GPHN: variants seen among roughly 807,000 people sequenced by gnomAD.
The protein encoded by GPHN is gephyrin.
GPHN carries 17 observed loss-of-function variants against 95.5 expected under a neutral mutation model. The ratio of observed to expected loss-of-function variants is 0.18; its 90% CI spans 0.12 to 0.27. The LOEUF is 0.27. Ranked by LOEUF, GPHN falls within the 10% of genes least tolerant of loss-of-function variation. The pLI, the probability that GPHN is intolerant of heterozygous loss-of-function variation, is 1.00. For synonymous variants in GPHN, 320 were observed against 322.5 expected (o/e 0.99, Z 0.08); for missense variants, 660 against 978.1 (o/e 0.67, Z 4.34).
At chr14:67,048,467 T>G (rs948981862) in intron 10 of GPHN, among the ~76,000 whole-genome samples, 23 of 152,216 alleles carry the variant, frequency 1.5e-4, no homozygotes, top group African/African-American at 5.1e-4. Context: ...TGTGCCCACT[T>G]TAGAATAGCT....
the GPHN span, among the ~76,000 whole-genome samples, chr14:67,398,400 A>G: frequency 6.6e-6 from 1 of 152,032 alleles, no homozygotes; most frequent in African/African-American, 2.4e-5. Flanking sequence ...ATTTTTCTAG[A>G]AATAGGCTCT....
intron 5 of GPHN, among the ~76,000 whole-genome samples, chr14:66,915,547 T>C (rs758971034): frequency 3.3e-5 from 5 of 152,216 alleles, no homozygotes; most frequent in African/African-American, 1.2e-4. Flanking sequence ...CATTCACTTG[T>C]GAAAAACCTT....
At chr14:67,450,553 T>C in the GPHN span, among the ~76,000 whole-genome samples, 1 of 152,362 alleles carries the variant, frequency 6.6e-6, no homozygotes, top group East Asian at 1.9e-4. Context: ...CAAATGTGAC[T>C]CTTCTTACGT....
At chr14:67,042,983 C>G (rs1477877092) in intron 10 of GPHN, among the ~76,000 whole-genome samples, 4 of 152,122 alleles carry the variant, frequency 2.6e-5, no homozygotes, top group African/African-American at 9.7e-5. Flanking sequence ...ATTTTATTCT[C>G]TTTGTAGCAG....
intron 10 of GPHN, among the ~76,000 whole-genome samples, chr14:67,029,075 T>C (rs1476197352): frequency 6.6e-6 from 1 of 152,224 alleles, no homozygotes. Context: ...TTCATTTTTC[T>C]GCATATGGCT....
chr14:67,656,278 G>C, the GPHN span: 1 of 753,922 alleles, frequency 1.3e-6, no homozygotes. Flanking sequence ...AATAAAAATT[G>C]AGAAAAGCAT....
At chr14:66,518,935 T>C (rs2058366057) in intron 1 of GPHN, among the ~76,000 whole-genome samples, 1 of 152,014 alleles carries the variant, frequency 6.6e-6, no homozygotes, top group Non-Finnish European at 1.5e-5. Flanking sequence ...AGGGTGACTA[T>C]AGTTAACAGT....
At chr14:67,572,030 C>T in the GPHN span, 43 of 1,483,120 alleles carry the variant, frequency 2.9e-5, no homozygotes, top group Admixed American at 4.1e-5. Flanking sequence ...CACCCCCAGC[C>T]CCAGAGACCG....
intron 17 of GPHN, among the ~76,000 whole-genome samples, chr14:67,132,396 G>A (rs1480919378): frequency 6.6e-6 from 1 of 151,916 alleles, no homozygotes; most frequent in Non-Finnish European, 1.5e-5. Context: ...CTCTCCTTAT[G>A]GCATGAACCT....
At chr14:67,090,747 A>G (rs1018579776) in intron 12 of GPHN, among the ~76,000 whole-genome samples, 2 of 152,030 alleles carry the variant, frequency 1.3e-5, no homozygotes, top group Non-Finnish European at 2.9e-5. Flanking sequence ...GATTAAGGCT[A>G]CAGGCATTGA....
At chr14:66,572,406 T>A (rs1055278058) in intron 1 of GPHN, among the ~76,000 whole-genome samples, 9 of 152,190 alleles carry the variant, frequency 5.9e-5, no homozygotes, top group Non-Finnish European at 1.2e-4. Context: ...TTTTTCTGTG[T>A]CTTAAATTTT....
At chr14:66,723,861 G>T (rs1378244989) in intron 2 of GPHN, among the ~76,000 whole-genome samples, 1 of 151,868 alleles carries the variant, frequency 6.6e-6, no homozygotes, top group Non-Finnish European at 1.5e-5. Flanking sequence ...TCATATTTTT[G>T]AGAGTTTTAG....
the GPHN span, among the ~76,000 whole-genome samples, chr14:67,710,165 C>T: frequency 3.1e-4 from 47 of 152,138 alleles, no homozygotes; most frequent in Non-Finnish European, 5.6e-4. Flanking sequence ...TAAAACCAAG[C>T]TGTTCCCTGA....
intron 1 of GPHN, among the ~76,000 whole-genome samples, chr14:66,580,106 A>G (rs991135003): frequency 6.6e-6 from 1 of 151,882 alleles, no homozygotes; most frequent in Admixed American, 6.6e-5. Context: ...ATTAAACAAC[A>G]TGCTTCTCAA....
chr14:66,629,224 A>T (rs528570388), intron 1 of GPHN, among the ~76,000 whole-genome samples: 3 of 144,238 alleles, frequency 2.1e-5, no homozygotes, highest in African/African-American at 5.1e-5. Context: ...TACATATATA[A>T]ATATGTATAT....
At chr14:66,845,922 A>G (rs1435751001) in intron 4 of GPHN, among the ~76,000 whole-genome samples, 2 of 152,116 alleles carry the variant, frequency 1.3e-5, no homozygotes, top group African/African-American at 4.8e-5. Context: ...CTGATGAAAC[A>G]CAATATGAGT....
chr14:66,697,306 GC>G lies in GPHN; in HGVS notation c.143+16123del, dbSNP rs572737245. On this transcript the variant is annotated intron_variant, in intron 2 of 22. Coordinates refer to ENST00000478722, the MANE Select transcript of GPHN (RefSeq NM_020806.5). ...CTCTGTAATTCAGCATTTATAATTT[GC>G]CTTAGTTATGTAGTACGTTGTGTGA... 3.0e-3 allele frequency among the ~76,000 whole-genome samples: 456 copies of G among 152,260 alleles called. 3 individuals are homozygous for G. Among genetic ancestry groups the G allele is most frequent in the African/African-American group, 0.011 (438 of 41,548 alleles).
intron 8 of GPHN, among the ~76,000 whole-genome samples, chr14:66,961,665 T>G (rs774067935): frequency 4.0e-5 from 6 of 151,392 alleles, no homozygotes; most frequent in African/African-American, 7.3e-5. Context: ...GAAAAAGTGC[T>G]CACTCTCACT....
At chr14:67,471,884 G>C in the GPHN span, 1 of 152,258 alleles carries the variant, frequency 6.6e-6, no homozygotes, top group Non-Finnish European at 1.5e-5. Flanking sequence ...CTACCTAAGA[G>C]TCCTAGTGTG....
Sources: allele counts gnomAD v4.1 joint callset (sites outside exome capture counted in the v4.1 genomes callset), GRCh38; gene constraint gnomAD v4.1.1; transcripts MANE v1.5; gene names NCBI Gene and HGNC (gene_info 2026-07-23, HGNC 2026-07-21).